Variants in MALRD1 observed in about 807,000 individuals in gnomAD.
MALRD1 encodes the protein MAM and LDL-receptor class A domain-containing protein 1.
A neutral mutation model predicts 242.1 loss-of-function variants in MALRD1; 247 were observed. The observed-to-expected ratio is 1.02, with a 90% confidence interval of 0.92 to 1.13. The LOEUF is 1.13. Among genes scored for constraint, MALRD1 ranks in the 50% most tolerant of loss-of-function variants. The pLI is 0.00. For synonymous variants in MALRD1, 995 were observed against 866.6 expected (o/e 1.15, Z -2.60); for missense variants, 2,989 against 2,533.1 (o/e 1.18, Z -3.86).
chr10:19,055,535 A>C (rs1834637530), intron 1 of MALRD1, among the ~76,000 whole-genome samples: 1 of 152,126 alleles, frequency 6.6e-6, no homozygotes, highest in South Asian at 2.1e-4. Flanking sequence ...TTTATAGTTT[A>C]AGGTCTTATA....
intron 29 of MALRD1, among the ~76,000 whole-genome samples, chr10:19,469,457 G>T (rs1836388149): frequency 6.6e-6 from 1 of 152,102 alleles, no homozygotes; most frequent in Non-Finnish European, 1.5e-5. Context: ...CAACAAAATT[G>T]TATGCTTGCT....
chr10:19,719,111 G>A lies in MALRD1; in HGVS notation c.6315-11595G>A, dbSNP rs992901408. 6.8e-5 allele frequency among the ~76,000 whole-genome samples: 10 copies of A among 147,422 alleles called. No homozygotes were observed. The East Asian group carries it at 1.0e-3, about 15-fold the overall frequency. On this transcript the variant is annotated intron_variant, in intron 38 of 39. Coordinates refer to ENST00000454679, the MANE Select transcript of MALRD1 (RefSeq NM_001142308.3). Reference sequence around the variant, plus strand: ...CCAGGAGGTCAAACTATGATCCCACGACTGCACTCCAACCTGGGCAGCAGA... The same window carrying A: ...CCAGGAGGTCAAACTATGATCCCACAACTGCACTCCAACCTGGGCAGCAGA...
At chr10:19,530,379 A>T (rs1464035887) in intron 31 of MALRD1, among the ~76,000 whole-genome samples, 3 of 84,404 alleles carry the variant, frequency 3.6e-5, no homozygotes, top group Non-Finnish European at 5.8e-5. Context: ...ATTTATATAA[A>T]TATTATATAT....
intron 21 of MALRD1, among the ~76,000 whole-genome samples, chr10:19,320,041 CTTTTTTTTT>C (rs34481531): frequency 4.1e-5 from 3 of 73,070 alleles, no homozygotes; most frequent in East Asian, 4.3e-4. Context: ...TATAAAACTG[CTTTTTTTTT>C]TTTTTTTTTT....
chr10:19,222,911 A>G (rs1837623519), intron 18 of MALRD1, among the ~76,000 whole-genome samples: 1 of 152,166 alleles, frequency 6.6e-6, no homozygotes, highest in African/African-American at 2.4e-5. Context: ...TCTTTGTCAG[A>G]TGATTGCTGT....
intron 21 of MALRD1, among the ~76,000 whole-genome samples, chr10:19,298,108 T>A (rs935292905): frequency 6.6e-6 from 1 of 151,980 alleles, no homozygotes; most frequent in East Asian, 1.9e-4. Context: ...GGTGCCCGCA[T>A]CTGCTCAGTT....
At chr10:19,143,472 A>G (rs1833619219) in intron 10 of MALRD1, among the ~76,000 whole-genome samples, 1 of 152,210 alleles carries the variant, frequency 6.6e-6, no homozygotes, top group Non-Finnish European at 1.5e-5. Flanking sequence ...ATAGCAATGC[A>G]TAATTTGCTG....
At chr10:19,704,294 C>A (rs995854257) in intron 38 of MALRD1, among the ~76,000 whole-genome samples, 1 of 152,274 alleles carries the variant, frequency 6.6e-6, no homozygotes, top group Non-Finnish European at 1.5e-5. Flanking sequence ...TTAAGTCTCA[C>A]AGTTCTGGAG....
At chr10:19,260,732 G>A (rs1296353342) in intron 19 of MALRD1, among the ~76,000 whole-genome samples, 4 of 152,132 alleles carry the variant, frequency 2.6e-5, no homozygotes, top group Non-Finnish European at 4.4e-5. Flanking sequence ...TGTGGGGCAG[G>A]ATTAATGCCT....
chr10:19,486,664 C>T (rs901867581), intron 29 of MALRD1, among the ~76,000 whole-genome samples: 1 of 151,982 alleles, frequency 6.6e-6, no homozygotes. Context: ...TGAAACTTGC[C>T]GTCTGGAATC....
At chr10:19,290,905 T>G (rs1048071634) in intron 21 of MALRD1, among the ~76,000 whole-genome samples, 1 of 152,148 alleles carries the variant, frequency 6.6e-6, no homozygotes, top group Admixed American at 6.6e-5. Context: ...AGTCCTGTAC[T>G]CTGACCTACA....
chr10:19,100,960 T>C (rs1836228933), intron 4 of MALRD1, among the ~76,000 whole-genome samples: 2 of 152,162 alleles, frequency 1.3e-5, no homozygotes, highest in African/African-American at 4.8e-5. Context: ...AATGTTAATT[T>C]GTAAAGAATA....
At chr10:19,320,731 GCATCTGTTGTTTCCTGTCTTTT>G (rs1842885558) in intron 21 of MALRD1, among the ~76,000 whole-genome samples, 1 of 152,046 alleles carries the variant, frequency 6.6e-6, no homozygotes, top group Non-Finnish European at 1.5e-5. Context: ...ATCCTCTCCA[GCATCTGTTGTTTCCTGTCTTTT>G]TAATTATCAC....
chr10:19,580,197 T>G (rs968225391), intron 33 of MALRD1, among the ~76,000 whole-genome samples: 1 of 152,210 alleles, frequency 6.6e-6, no homozygotes, highest in Non-Finnish European at 1.5e-5. Flanking sequence ...TTTAGATTAT[T>G]GGGGGTTATA....
At chr10:19,528,067 T>A (rs2065496) in intron 31 of MALRD1, among the ~76,000 whole-genome samples, 103,261 of 152,144 alleles carry the variant, frequency 0.68, 39,583 homozygotes, top group Non-Finnish European at 0.84. Flanking sequence ...CAAGCCGTAT[T>A]TTTGGAACAA....
chr10:19,535,796 C>G (rs1314709773), intron 32 of MALRD1, among the ~76,000 whole-genome samples: 1 of 151,980 alleles, frequency 6.6e-6, no homozygotes, highest in Non-Finnish European at 1.5e-5. Flanking sequence ...AGACACTGCC[C>G]CAGAATGTGC....
intron 38 of MALRD1, among the ~76,000 whole-genome samples, chr10:19,696,926 A>G (rs1298216654): frequency 1.3e-5 from 2 of 152,124 alleles, no homozygotes; most frequent in African/African-American, 4.8e-5. Context: ...ACAAAAAAAG[A>G]CTATCTTATT....
rs1488787498 is a variant in MALRD1, at chr10:19,312,400, A to ATG, written c.3420-11545_3420-11544dup. Among the ~76,000 whole-genome samples the ATG allele has an allele frequency of 6.9e-3, 987 of 143,614 alleles. 9 individuals carry two copies. Among genetic ancestry groups the ATG allele is most frequent in the African/African-American group, 0.012 (448 of 38,698 alleles). The allele number at this position is 143,614 out of a possible 152,430, so 94.2% of individuals were successfully genotyped here. On this transcript the variant is annotated intron_variant, in intron 21 of 39. Transcript: ENST00000454679. The stretch of plus-strand genomic sequence containing the variant: ...TGTGTATATATATATATATATATAT[A>ATG]TGTGTATATGTGTGTGTGTGTGTGT...
intron 29 of MALRD1, among the ~76,000 whole-genome samples, chr10:19,458,914 G>GTA (rs555319688): frequency 1.6e-3 from 245 of 151,646 alleles, no homozygotes; most frequent in African/African-American, 5.4e-3. Context: ...ATATATGTGC[G>GTA]TATATATATA....
Sources: gnomAD v4.1 joint callset for allele counts (sites outside exome capture counted in the v4.1 genomes callset) on GRCh38, gnomAD v4.1.1 for gene constraint, MANE v1.5 for transcripts, NCBI Gene and HGNC (gene_info 2026-07-23, HGNC 2026-07-21) for gene names.